GRM7: variants seen among roughly 807,000 people sequenced by gnomAD.
GRM7 encodes glutamate metabotropic receptor 7, also known as metabotropic glutamate receptor 7.
Under a neutral mutation model 84.5 loss-of-function variants are expected in GRM7, and 35 were observed. The ratio of observed to expected loss-of-function variants is 0.41; its 90% CI spans 0.32 to 0.55. GRM7 has a LOEUF of 0.55. Among genes scored for constraint, GRM7 ranks in the 20% least tolerant of loss-of-function variants. The probability of loss-of-function intolerance (pLI) is 0.19; values close to 1 mark genes in which losing one functional copy is unlikely to be tolerated. For synonymous variants in GRM7, 487 were observed against 455.1 expected (o/e 1.07, Z -0.89); for missense variants, 1,003 against 1,194.6 (o/e 0.84, Z 2.36).
At chr3:7,193,798 A>G (rs1023373229) in intron 2 of GRM7, among the ~76,000 whole-genome samples, 2 of 152,106 alleles carry the variant, frequency 1.3e-5, no homozygotes, top group African/African-American at 4.8e-5. Context: ...AAGCTACAAC[A>G]TATAGAAATT....
At chr3:7,701,934 T>G (rs957636650) in intron 9 of GRM7, among the ~76,000 whole-genome samples, 1 of 152,168 alleles carries the variant, frequency 6.6e-6, no homozygotes, top group African/African-American at 2.4e-5. Flanking sequence ...GGCAATCCAT[T>G]TTTTACACTA....
At chr3:7,691,148 T>A in intron 9 of GRM7, 1 of 496,864 alleles carries the variant, frequency 2.0e-6, no homozygotes, top group Non-Finnish European at 3.7e-6. Flanking sequence ...ACTATTCTCA[T>A]GTTTTTTTTC....
At chr3:7,079,034 C>T (rs2124994686) in intron 1 of GRM7, among the ~76,000 whole-genome samples, 1 of 152,178 alleles carries the variant, frequency 6.6e-6, no homozygotes, top group South Asian at 2.1e-4. Flanking sequence ...TTTAAGAAAA[C>T]ATGAATGCTG....
At chr3:7,296,836 C>G (rs967545505) in intron 2 of GRM7, among the ~76,000 whole-genome samples, 1 of 150,652 alleles carries the variant, frequency 6.6e-6, no homozygotes, top group Non-Finnish European at 1.5e-5. Context: ...AAAAAAAAAG[C>G]TGGGATCTTG....
chr3:6,863,303 C>T lies in GRM7; in HGVS notation c.519+1396C>T, dbSNP rs1034600209. Among the ~76,000 whole-genome samples, 2 of 152,134 alleles carry T rather than the reference C, an allele frequency of 1.3e-5. No individual in the cohort carries two copies. The highest frequency in any genetic ancestry group is 4.8e-5 in the African/African-American group (2 of 41,418). ...AGTTAATCTCTTCCGCAGATGTACACGCTGATCCTGGCACCTTTATGCTCC... is the reference window on the plus strand; with the variant it reads ...AGTTAATCTCTTCCGCAGATGTACATGCTGATCCTGGCACCTTTATGCTCC... On this transcript the variant is annotated intron_variant, in intron 1 of 9. Coordinates refer to ENST00000357716, the MANE Select transcript of GRM7 (RefSeq NM_000844.4). The surrounding 1 kb of genome is among the most constrained non-coding windows in gnomAD (Gnocchi z 4.8).
intron 4 of GRM7, among the ~76,000 whole-genome samples, chr3:7,337,528 A>G (rs919931800): frequency 3.3e-4 from 50 of 152,210 alleles, no homozygotes; most frequent in African/African-American, 1.2e-3. Context: ...ACAAAGGACT[A>G]ATATCCAAAA....
chr3:7,670,056 A>T (rs1699856303), intron 8 of GRM7, among the ~76,000 whole-genome samples: 1 of 152,152 alleles, frequency 6.6e-6, no homozygotes, highest in Admixed American at 6.5e-5. Flanking sequence ...TGTTGAAGTG[A>T]TTTGCCCATC....
chr3:7,368,672 A>G (rs1295736725), intron 4 of GRM7, among the ~76,000 whole-genome samples: 1 of 152,124 alleles, frequency 6.6e-6, no homozygotes, highest in East Asian at 1.9e-4. Context: ...ACTTAAAATT[A>G]TCTGAGCCTT....
intron 7 of GRM7, among the ~76,000 whole-genome samples, chr3:7,564,642 C>T (rs1694177365): frequency 6.6e-6 from 1 of 152,076 alleles, no homozygotes; most frequent in Admixed American, 6.6e-5. Context: ...ACCGTTGGAG[C>T]CATAATATAT....
At chr3:6,924,445 A>G (rs1697230870) in intron 1 of GRM7, among the ~76,000 whole-genome samples, 1 of 151,808 alleles carries the variant, frequency 6.6e-6, no homozygotes, top group Admixed American at 6.6e-5. Flanking sequence ...TAAAGCCCAG[A>G]CAGTTACTTA....
intron 5 of GRM7, among the ~76,000 whole-genome samples, chr3:7,421,714 G>A: frequency 6.6e-6 from 1 of 151,966 alleles, no homozygotes; most frequent in East Asian, 1.9e-4. Flanking sequence ...TGACCTCAGG[G>A]CTTCTCCAGG....
intron 1 of GRM7, among the ~76,000 whole-genome samples, chr3:7,066,485 T>C (rs765140902): frequency 3.3e-5 from 5 of 151,664 alleles, no homozygotes; most frequent in African/African-American, 4.8e-5. Context: ...AAGAATTAGA[T>C]ACCCTGAACA....
At chr3:7,064,479 T>TATACAC in intron 1 of GRM7, among the ~76,000 whole-genome samples, 2 of 99,382 alleles carry the variant, frequency 2.0e-5, no homozygotes, top group African/African-American at 3.9e-5. Flanking sequence ...TATATATATA[T>TATACAC]ACACACATAT....
intron 7 of GRM7, among the ~76,000 whole-genome samples, chr3:7,577,634 A>G (rs541186879): frequency 2.0e-5 from 3 of 152,296 alleles, no homozygotes; most frequent in South Asian, 4.1e-4. Flanking sequence ...CAGAAAACCA[A>G]TGTTTCAATT....
chr3:7,559,593 C>T (rs999071719), intron 7 of GRM7, among the ~76,000 whole-genome samples: 1 of 152,064 alleles, frequency 6.6e-6, no homozygotes, highest in African/African-American at 2.4e-5. Context: ...AATATATATC[C>T]TGGCCAAAAG....
At chr3:7,306,371 T>C (rs1700194479) in intron 3 of GRM7, 127 bp from the exon 4 acceptor site, 1 of 732,632 alleles carries the variant, frequency 1.4e-6, no homozygotes, top group Non-Finnish European at 2.3e-6. Context: ...AAATTCTTTA[T>C]CAAGTTTTTT....
chr3:7,112,346 T>G (rs1478573788), intron 1 of GRM7, among the ~76,000 whole-genome samples: 1 of 152,038 alleles, frequency 6.6e-6, no homozygotes, highest in Non-Finnish European at 1.5e-5. Flanking sequence ...TGCCTCAGCC[T>G]CCTGAGTAGC....
chr3:7,719,841 C>A (rs1701886713), intron 9 of GRM7, among the ~76,000 whole-genome samples: 1 of 145,194 alleles, frequency 6.9e-6, no homozygotes, highest in Admixed American at 7.0e-5. Context: ...TGATAACCTA[C>A]AAAAGGAGTT....
chr3:7,377,990 T>C (rs1694426167), intron 4 of GRM7, among the ~76,000 whole-genome samples: 1 of 152,194 alleles, frequency 6.6e-6, no homozygotes, highest in Non-Finnish European at 1.5e-5. Flanking sequence ...TCCCAGAATG[T>C]AGTCACCAAC....
Sources: allele counts gnomAD v4.1 joint callset (sites outside exome capture counted in the v4.1 genomes callset), GRCh38; gene constraint gnomAD v4.1.1; non-coding constraint Gnocchi (gnomAD v3.1); transcripts MANE v1.5; gene names NCBI Gene and HGNC (gene_info 2026-07-23, HGNC 2026-07-21).